Variants in NELL2 observed in about 807,000 individuals in gnomAD.
NELL2 encodes the protein neural EGFL like 2.
Under a neutral mutation model 109.6 loss-of-function variants are expected in NELL2, and 41 were observed. That is an observed-to-expected ratio of 0.37 (90% confidence interval 0.29 to 0.49). The LOEUF (loss-of-function observed/expected upper bound fraction) is 0.49, where lower values mean the gene tolerates loss of function less well. NELL2 is among the 20% of genes least tolerant of loss of function. The pLI is 0.98. For synonymous variants in NELL2, 355 were observed against 344.7 expected, an observed-to-expected ratio of 1.03 and a Z score of -0.33; for missense variants, 900 against 1,008.3, an observed-to-expected ratio of 0.89 and a Z score of 1.45.
intron 2 of NELL2, among the ~76,000 whole-genome samples, chr12:44,834,174 C>A: frequency 6.6e-6 from 1 of 152,066 alleles, no homozygotes. Flanking sequence ...AATATATTTC[C>A]TATTTAAACA....
At chr12:44,760,222 C>G (rs1941064108) in intron 9 of NELL2, among the ~76,000 whole-genome samples, 1 of 152,058 alleles carries the variant, frequency 6.6e-6, no homozygotes, top group African/African-American at 2.4e-5. Flanking sequence ...CAACTCTTAG[C>G]CCATGAGACT....
At chr12:44,638,239 G>A (rs994305794) in intron 13 of NELL2, among the ~76,000 whole-genome samples, 2 of 152,012 alleles carry the variant, frequency 1.3e-5, no homozygotes, top group Non-Finnish European at 2.9e-5. Flanking sequence ...CCGACCAGAC[G>A]CACAATTCCT....
chr12:44,770,605 A>C (rs919197104), intron 9 of NELL2, among the ~76,000 whole-genome samples: 7 of 152,246 alleles, frequency 4.6e-5, no homozygotes, highest in African/African-American at 1.7e-4. Flanking sequence ...TATATTATAT[A>C]CTGAAACTCT....
At chr12:44,779,187 T>C (rs1281628202) in intron 5 of NELL2, among the ~76,000 whole-genome samples, 2 of 152,230 alleles carry the variant, frequency 1.3e-5, no homozygotes, top group African/African-American at 4.8e-5. Context: ...GGAAAAGATA[T>C]AAATTATAAC....
At chr12:44,602,987 A>C (rs1163010856) in intron 15 of NELL2, among the ~76,000 whole-genome samples, 2 of 152,186 alleles carry the variant, frequency 1.3e-5, no homozygotes, top group African/African-American at 4.8e-5. Context: ...ACTTAAAAAA[A>C]ATCAACCAAC....
chr12:44,877,613 C>T (rs1357952130), upstream of NELL2, among the ~76,000 whole-genome samples: 2 of 151,978 alleles, frequency 1.3e-5, no homozygotes, highest in Non-Finnish European at 2.9e-5. Flanking sequence ...TACATTTTAT[C>T]TATAGATATA....
In NELL2 at chr12:44,697,940, A is replaced by C. The variant is rs202044577; in HGVS notation, c.1318+5786T>G. On this transcript the variant is annotated intron_variant, in intron 12 of 19. Coordinates refer to ENST00000429094, the MANE Select transcript of NELL2 (RefSeq NM_001145108.2). ...GTTCCTTCTGAGGGCTGTGAAGTAC[A>C]ACTTGTTCCATGCTCCTCACCTAGC... 2.9e-4 allele frequency among the ~76,000 whole-genome samples: 44 copies of C among 152,306 alleles called. No individual in the cohort carries two copies. The East Asian group carries it at 6.9e-3, about 24-fold the overall frequency.
intron 3 of NELL2, among the ~76,000 whole-genome samples, chr12:44,799,424 A>G (rs11182686): frequency 0.22 from 33,430 of 151,892 alleles, 3,859 homozygotes; most frequent in South Asian, 0.3. Flanking sequence ...TGCAACTCAA[A>G]GGATGTTAAT....
intron 14 of NELL2, among the ~76,000 whole-genome samples, chr12:44,607,902 A>G (rs576223486): frequency 6.6e-6 from 1 of 152,190 alleles, no homozygotes; most frequent in African/African-American, 2.4e-5. Context: ...TTTGGGAATG[A>G]GGCAAGTTGT....
chr12:44,674,196 G>A (rs899402373), intron 12 of NELL2, among the ~76,000 whole-genome samples: 4 of 152,058 alleles, frequency 2.6e-5, no homozygotes. Flanking sequence ...TTTATATCTG[G>A]TGATATAAAT....
chr12:44,603,416 T>C (rs2060898), intron 15 of NELL2, among the ~76,000 whole-genome samples: 52,914 of 151,800 alleles, frequency 0.35, 9,959 homozygotes, highest in East Asian at 0.52. Flanking sequence ...TATAATAAGA[T>C]AGCTTTGTAT....
At chr12:44,594,932 C>G (rs1002669392) in intron 15 of NELL2, among the ~76,000 whole-genome samples, 1 of 152,186 alleles carries the variant, frequency 6.6e-6, no homozygotes, top group African/African-American at 2.4e-5. Flanking sequence ...AGTCCCCCTT[C>G]TCATCATTCA....
chr12:44,811,356 A>AAAAAAAAAAAAC (rs1206633114), intron 3 of NELL2, among the ~76,000 whole-genome samples: 1 of 151,372 alleles, frequency 6.6e-6, no homozygotes, highest in Non-Finnish European at 1.5e-5. Context: ...AAAAAAAAAA[A>AAAAAAAAAAAAC]AAATTAAAGA....
intron 2 of NELL2, among the ~76,000 whole-genome samples, chr12:44,848,558 C>T (rs140783158): frequency 2.6e-5 from 4 of 152,246 alleles, no homozygotes; most frequent in African/African-American, 9.6e-5. Context: ...CCCCATCCCA[C>T]CTGGACAGAA....
At chr12:44,685,873 T>G (rs1248206005) in intron 12 of NELL2, among the ~76,000 whole-genome samples, 1 of 152,142 alleles carries the variant, frequency 6.6e-6, no homozygotes, top group East Asian at 1.9e-4. Context: ...TCAACTTTGG[T>G]GAATCCGACA....
At chr12:44,847,713 T>A (rs907972129) in intron 2 of NELL2, among the ~76,000 whole-genome samples, 4 of 151,970 alleles carry the variant, frequency 2.6e-5, no homozygotes, top group Non-Finnish European at 5.9e-5. Flanking sequence ...AGAAGAGATT[T>A]TTTTTTCCTC....
chr12:44,657,350 T>C (rs1947543889), intron 13 of NELL2, among the ~76,000 whole-genome samples: 1 of 152,188 alleles, frequency 6.6e-6, no homozygotes, highest in African/African-American at 2.4e-5. Context: ...CGGATGTGCA[T>C]GCATCTGTGT....
intron 9 of NELL2, among the ~76,000 whole-genome samples, chr12:44,745,432 T>C (rs1053186758): frequency 6.6e-6 from 1 of 152,114 alleles, no homozygotes; most frequent in Non-Finnish European, 1.5e-5. Flanking sequence ...TTCAACATAG[T>C]GTTGGAGGTT....
intron 3 of NELL2, among the ~76,000 whole-genome samples, chr12:44,807,714 C>CTGA (rs959471818): frequency 6.6e-6 from 1 of 151,922 alleles, no homozygotes; most frequent in African/African-American, 2.4e-5. Flanking sequence ...AAGTAGCAGA[C>CTGA]TGATCATTAA....
Sources: allele counts gnomAD v4.1 joint callset (sites outside exome capture counted in the v4.1 genomes callset), GRCh38; gene constraint gnomAD v4.1.1; transcripts MANE v1.5; gene names NCBI Gene and HGNC (gene_info 2026-07-23, HGNC 2026-07-21).